Variants in TAF8 observed in about 807,000 individuals in gnomAD.
TAF8 encodes the protein transcription initiation factor TFIID subunit 8.
A neutral mutation model predicts 36.5 loss-of-function variants in TAF8; 47 were observed. The observed-to-expected ratio is 1.29, with a 90% CI of 1.02 to 1.64. The LOEUF is 1.64. Ranked by LOEUF, TAF8 falls within the 40% of genes most tolerant of loss-of-function variation. The pLI, the probability that TAF8 is intolerant of heterozygous loss-of-function variation, is 0.00. For synonymous variants in TAF8, 175 were observed against 159.5 expected, an observed-to-expected ratio of 1.10 and a Z score of -0.73; for missense variants, 420 against 407.6, an observed-to-expected ratio of 1.03 and a Z score of -0.26.
intron 1 of TAF8, 39 bp downstream of exon 1, chr6:42,050,625 T>A (rs770947021): frequency 1.3e-6 from 2 of 1,530,524 alleles, no homozygotes; most frequent in South Asian, 2.4e-5. Context: ...CGAGAGAGTT[T>A]GGGTATCCTG....
Position 42,081,193 on chromosome 6 carries a change from G to GT in TAF8, c.*3649dup, listed in dbSNP as rs57878318. 2 of 154,490 alleles carry GT rather than the reference G, an allele frequency of 1.3e-5. No individual in the cohort carries two copies. The highest frequency in any genetic ancestry group is 4.9e-5 in the African/African-American group (2 of 41,166). 9.6% of individuals were successfully genotyped at this position (154,490 alleles called of 1,614,324 possible). On this transcript the variant is annotated 3_prime_UTR_variant, in exon 9 of 9. Coordinates refer to ENST00000372977, the MANE Select transcript of TAF8 (RefSeq NM_138572.3). ...GGAGTGTGTGTGTGTGTGTGTGTGC[G>GT]TGTGTGTGCGTGTGAGACAGAGTTT... is the stretch of plus-strand genomic sequence containing the variant.
At position 42,077,887 on chromosome 6, in the gene TAF8, G is replaced by C; in HGVS notation, c.*342G>C. The stretch of plus-strand genomic sequence containing the variant: ...TTCTCCTGCCTTGGCCTCCCGAGTA[G>C]CTGGGACTAGAGGCAAGCGCCACCA... On this transcript the variant is annotated 3_prime_UTR_variant, in exon 9 of 9. Coordinates refer to ENST00000372977, the MANE Select transcript of TAF8 (RefSeq NM_138572.3). 2.1e-6 allele frequency: 1 copy of C among 469,502 alleles called. No individual in the cohort carries two copies. Among genetic ancestry groups the C allele is most frequent in the Non-Finnish European group, 3.1e-6 (1 of 319,046 alleles). The allele number at this position is 469,502 out of a possible 1,614,324, so 29.1% of individuals were successfully genotyped here.
chr6:42,083,648 A>G (rs1765980649), downstream of TAF8, among the ~76,000 whole-genome samples: 1 of 152,216 alleles, frequency 6.6e-6, no homozygotes, highest in Non-Finnish European at 1.5e-5. Flanking sequence ...GGAACCAGGA[A>G]CATAGTCACC....
At chr6:42,071,538 C>G (rs1256438424) in intron 7 of TAF8, 1 of 156,722 alleles carries the variant, frequency 6.4e-6, no homozygotes, top group African/African-American at 2.4e-5. Flanking sequence ...GTTGGTCACG[C>G]TGGTCTTGAA....
Position 42,077,136 on chromosome 6 carries a change from C to T in TAF8, c.817C>T (p.Leu273=), listed in dbSNP as rs775651261. ...AGCCGAGAAGGAGAACACCTCTGTC[C>T]TGCAGCAGAACCCCTCCTTGTCGGG... ...SGAEKENTSV[L]QQNPSLSGSR... is the part of the protein sequence containing the mutation. Residue 273 remains leucine (L), a synonymous_variant, in exon 8 of 9, where the codon CTG becomes TTG. Transcript: ENST00000372977. 12 of 1,614,158 alleles carry T rather than the reference C, an allele frequency of 7.4e-6. No homozygotes were observed. The highest frequency in any genetic ancestry group is 1.0e-5 in the Non-Finnish European group (12 of 1,179,984).
At chr6:42,076,493 G>A (rs115395634) in intron 7 of TAF8, among the ~76,000 whole-genome samples, 2 of 152,178 alleles carry the variant, frequency 1.3e-5, no homozygotes, top group African/African-American at 2.4e-5. Context: ...TTGCAGATAG[G>A]CATTACCAAT....
intron 2 of TAF8, 101 bp downstream of exon 2, chr6:42,051,614 T>C (rs1242100444): frequency 7.0e-7 from 1 of 1,427,396 alleles, no homozygotes; most frequent in Non-Finnish European, 9.3e-7. Context: ...CAAACTTTTT[T>C]CTTAAGAGGG....
At chr6:42,058,230 A>G (rs778614380) in intron 5 of TAF8, among the ~76,000 whole-genome samples, 2 of 152,144 alleles carry the variant, frequency 1.3e-5, no homozygotes, top group Non-Finnish European at 2.9e-5. Context: ...CTAAAATTAC[A>G]AAAATTAGCT....
intron 5 of TAF8, among the ~76,000 whole-genome samples, chr6:42,059,443 T>C (rs1373412853): frequency 6.6e-6 from 1 of 151,180 alleles, no homozygotes; most frequent in Non-Finnish European, 1.5e-5. Flanking sequence ...ACTGAGTCAG[T>C]TCCTGGGTGG....
chr6:42,050,835 T>C (rs1204926617), intron 1 of TAF8: 2 of 987,282 alleles, frequency 2.0e-6, no homozygotes, highest in Non-Finnish European at 2.7e-6. Context: ...CCGATTGGTC[T>C]GAAGATGCCG....
intron 4 of TAF8, among the ~76,000 whole-genome samples, chr6:42,057,171 G>A (rs1371977645): frequency 6.6e-6 from 1 of 152,220 alleles, no homozygotes; most frequent in Non-Finnish European, 1.5e-5. Flanking sequence ...AGGCTTGTGG[G>A]CAGATTGTTG....
intron 7 of TAF8, among the ~76,000 whole-genome samples, chr6:42,075,638 C>A (rs1582246074): frequency 6.6e-6 from 1 of 152,254 alleles, no homozygotes; most frequent in Middle Eastern, 3.4e-3. Flanking sequence ...CCTCAAGTTG[C>A]AGAACAGGAA....
intron 7 of TAF8, among the ~76,000 whole-genome samples, chr6:42,070,467 G>A (rs1582237726): frequency 6.6e-6 from 1 of 152,220 alleles, no homozygotes; most frequent in African/African-American, 2.4e-5. Flanking sequence ...ACTCCAGCCT[G>A]GGCGACACAG....
intron 1 of TAF8, 85 bp downstream of exon 1, chr6:42,050,671 C>A: frequency 7.0e-7 from 1 of 1,424,962 alleles, no homozygotes. Context: ...AGATAATGCC[C>A]AGAAATTCAG....
intron 2 of TAF8, among the ~76,000 whole-genome samples, chr6:42,053,720 A>G (rs181487506): frequency 1.3e-5 from 2 of 152,358 alleles, no homozygotes; most frequent in Admixed American, 6.5e-5. Flanking sequence ...TCAAATAACA[A>G]CTTAATTTTA....
At chr6:42,052,662 G>A (rs969023661) in intron 2 of TAF8, among the ~76,000 whole-genome samples, 1 of 152,138 alleles carries the variant, frequency 6.6e-6, no homozygotes, top group Admixed American at 6.5e-5. Flanking sequence ...AGATTTAGAA[G>A]CCCGGGTGTG....
chr6:42,068,314 C>T (rs1765436608), intron 6 of TAF8, 151 bp from the exon 7 acceptor site: 1 of 785,824 alleles, frequency 1.3e-6, no homozygotes, highest in African/African-American at 1.7e-5. Context: ...GCCCGTAGAA[C>T]ATTGCCTGGC....
At chr6:42,059,119 C>T (rs891532639) in intron 5 of TAF8, among the ~76,000 whole-genome samples, 1 of 151,940 alleles carries the variant, frequency 6.6e-6, no homozygotes, top group Non-Finnish European at 1.5e-5. Context: ...CAAGGTGGCT[C>T]ACGCCTGTAA....
Position 42,081,963 on chromosome 6 carries a change from C to T in TAF8, c.*4418C>T, listed in dbSNP as rs1401042468. On this transcript the variant is annotated 3_prime_UTR_variant, in exon 9 of 9. Transcript: ENST00000372977. ...AATGTTGAGAGAGATCCTATGTACC[C>T]ATCACCCACTTTCTCCCAGTGGTAG... The T allele has an allele frequency of 6.6e-6, 1 of 152,246 alleles. No homozygotes were observed. The highest frequency in any genetic ancestry group is 1.9e-4 in the East Asian group (1 of 5,206). 9.4% of individuals were successfully genotyped at this position (152,246 alleles called of 1,614,324 possible). A position where few individuals can be genotyped will look rare whatever the true frequency, so the allele number is the denominator to read the frequency against.
Sources: allele counts gnomAD v4.1 joint callset (sites outside exome capture counted in the v4.1 genomes callset), GRCh38; gene constraint gnomAD v4.1.1; transcripts MANE v1.5; gene names NCBI Gene and HGNC (gene_info 2026-07-23, HGNC 2026-07-21).